Variants in UNKL observed in about 807,000 individuals in gnomAD.
The protein encoded by UNKL is putative E3 ubiquitin-protein ligase UNKL.
In UNKL, 60 loss-of-function variants were observed where a neutral mutation model predicts 78.0. That is an observed-to-expected ratio of 0.77 (90% CI 0.63 to 0.95). The LOEUF is 0.95. Among genes scored for constraint, UNKL ranks in the 40% least tolerant of loss-of-function variants. The pLI, the probability that UNKL is intolerant of heterozygous loss-of-function variation, is 0.00. For synonymous variants in UNKL, 608 were observed against 474.8 expected (o/e 1.28, Z -3.65); for missense variants, 1,159 against 1,045.7 (o/e 1.11, Z -1.49).
At chr16:1,369,880 C>T in intron 12 of UNKL, 4 of 1,456,388 alleles carry the variant, frequency 2.7e-6, no homozygotes, top group Non-Finnish European at 1.9e-6. Context: ...GTGGCTGAGG[C>T]AGGAGAATTG....
At chr16:1,402,376 C>A (rs1439233452) in intron 3 of UNKL, among the ~76,000 whole-genome samples, 1 of 152,230 alleles carries the variant, frequency 6.6e-6, no homozygotes, top group Non-Finnish European at 1.5e-5. Flanking sequence ...GAAATAACAT[C>A]CAGAGGCCAG....
At position 1,403,785 on chromosome 16, in the gene UNKL, C is replaced by T. The variant is rs566502105; in HGVS notation, c.288-441G>A. Among the ~76,000 whole-genome samples, 33 of 152,320 alleles carry T rather than the reference C, an allele frequency of 2.2e-4. No individual in the cohort carries two copies. Among genetic ancestry groups the T allele is most frequent in the African/African-American group, 7.7e-4 (32 of 41,568 alleles). On this transcript the variant is annotated intron_variant, in intron 2 of 14. Transcript: ENST00000389221. The surrounding 1 kb of genome is among the most constrained non-coding windows in gnomAD (Gnocchi z 4.8). Reference sequence around the variant, plus strand: ...GGGGCCCCTCCTGCCCAGCGTCCTGCTGCTTTCAGGGACCCCAGGAGGGAG... The same window carrying T: ...GGGGCCCCTCCTGCCCAGCGTCCTGTTGCTTTCAGGGACCCCAGGAGGGAG...
chr16:1,404,066 C>T (rs1035251568), intron 2 of UNKL, among the ~76,000 whole-genome samples: 3 of 152,142 alleles, frequency 2.0e-5, no homozygotes, highest in Non-Finnish European at 2.9e-5. Flanking sequence ...GACAAGGAGA[C>T]GACACAAACC....
chr16:1,399,167 G>C lies in UNKL; in HGVS notation c.734+207C>G, dbSNP rs569023162. The C allele has an allele frequency of 2.7e-6, 3 of 1,110,410 alleles. No homozygotes were observed. Among genetic ancestry groups the C allele is most frequent in the Admixed American group, 6.1e-5 (2 of 33,026 alleles). 68.8% of individuals were successfully genotyped at this position (1,110,410 alleles called of 1,614,324 possible). On this transcript the variant is annotated intron_variant, in intron 5 of 14. Transcript: ENST00000389221. The surrounding 1 kb of genome is among the most constrained non-coding windows in gnomAD (Gnocchi z 5.8). ...GACTGCATGGGAGACACTGAGCGTA[G>C]GTGGGGAGGCCCATCCCCAGGACAG...
In UNKL at chr16:1,367,172, C is replaced by T. The variant is rs1234207439; in HGVS notation, c.1966G>A (p.Gly656Arg). Residue 656 changes from glycine (G) to arginine (R), a missense_variant, in exon 14 of 15, where the codon GGG becomes AGG. Coordinates refer to ENST00000389221, the MANE Select transcript of UNKL (RefSeq NM_001372107.1). ...GGCAGGGGAATGGTGCCGATGTCCCCACAGCCCCGCAGCCCCGGCAGTGTG... is the reference window on the plus strand; with the variant it reads ...GGCAGGGGAATGGTGCCGATGTCCCTACAGCCCCGCAGCCCCGGCAGTGTG... ...ASTLPGLRGCGDIGTIPLPKL... is the reference protein window; with the variant it reads ...ASTLPGLRGCRDIGTIPLPKL... 6.2e-7 allele frequency: 1 copy of T among 1,605,792 alleles called. No homozygotes were observed. Among genetic ancestry groups the T allele is most frequent in the Non-Finnish European group, 8.5e-7 (1 of 1,178,128 alleles).
At position 1,377,031 on chromosome 16, in the gene UNKL, C is replaced by G. The variant is rs556147675; in HGVS notation, c.1265-5420G>C. ...TGCATCTTCCCCCGCCACACCCAGC[C>G]CCCCCAACCGAGATAGAGTCTTGCT... On this transcript the variant is annotated intron_variant, in intron 10 of 14. Transcript: ENST00000389221. Among the ~76,000 whole-genome samples the G allele has an allele frequency of 2.4e-4, 37 of 152,066 alleles. 1 individual carries two copies. The highest frequency in any genetic ancestry group is 3.5e-4 in the Non-Finnish European group (24 of 67,978).
intron 9 of UNKL, among the ~76,000 whole-genome samples, chr16:1,388,793 T>C (rs1055585948): frequency 5.3e-5 from 8 of 151,976 alleles, no homozygotes; most frequent in African/African-American, 1.9e-4. Context: ...GTTCACACCA[T>C]GAGGACACCG....
intron 10 of UNKL, chr16:1,378,906 C>G (rs2036439469): frequency 6.6e-6 from 1 of 152,504 alleles, no homozygotes; most frequent in South Asian, 2.1e-4. Context: ...GCTTCTCCCC[C>G]ACCTCACCTC....
In UNKL at chr16:1,401,553, C is replaced by CGGCCGTGGAGT. The variant is rs1567233096; in HGVS notation, c.598+4_598+14dup. 1 of 1,530,792 alleles carries CGGCCGTGGAGT rather than the reference C, an allele frequency of 6.5e-7. No individual in the cohort carries two copies. Among genetic ancestry groups the CGGCCGTGGAGT allele is most frequent in the Admixed American group, 1.9e-5 (1 of 53,154 alleles). The allele number at this position is 1,530,792 out of a possible 1,614,324, so 94.8% of individuals were successfully genotyped here. A position where few individuals can be genotyped will look rare whatever the true frequency, so the allele number is the denominator to read the frequency against. ...CCCCCCCCACCACCGCCCTCAGCTG[C>CGGCCGTGGAGT]GGCCGTGGAGTTACCTTGCCACCGG... On this transcript the variant is annotated intron_variant, in intron 4 of 14. Coordinates refer to ENST00000389221, the MANE Select transcript of UNKL (RefSeq NM_001372107.1).
chr16:1,390,556 G>C, intron 9 of UNKL, 76 bp downstream of exon 9: 1 of 1,477,128 alleles, frequency 6.8e-7, no homozygotes, highest in Non-Finnish European at 9.1e-7. Flanking sequence ...GATGCCACGG[G>C]TCAGGCACGA....
At chr16:1,379,298 G>T in intron 10 of UNKL, 1 of 208,642 alleles carries the variant, frequency 4.8e-6, no homozygotes, top group Non-Finnish European at 8.3e-6. Context: ...CCGTTCCCCT[G>T]CCCTCTCCTG....
intron 10 of UNKL, among the ~76,000 whole-genome samples, chr16:1,375,118 C>A (rs2036118030): frequency 6.6e-6 from 1 of 152,192 alleles, no homozygotes; most frequent in South Asian, 2.1e-4. Flanking sequence ...GCTCGGCGGT[C>A]ACACCCCCCG....
At chr16:1,413,045 C>T (rs2038111607) in intron 2 of UNKL, among the ~76,000 whole-genome samples, 1 of 151,878 alleles carries the variant, frequency 6.6e-6, no homozygotes, top group South Asian at 2.1e-4. Flanking sequence ...CCCAGAAGTT[C>T]AAGACCAGCC....
rs781274698 is a variant in UNKL at position 1,392,915 on chromosome 16, G to C, written c.999C>G (p.Ser333=). The part of the protein sequence containing the change: ...CHDLHLTSPS[S]TGSGQPGNAK... ...CATTTCCCGGCTGGCCGCTGCCCGT[G>C]GAGGAAGGACTCGTGAGGTGGAGGT... is the stretch of plus-strand genomic sequence containing the variant. The change falls in exon 8 of 15, where the codon TCC becomes TCG. Residue 333 remains serine, a synonymous_variant. Transcript: ENST00000389221. 6.4e-7 allele frequency: 1 copy of C among 1,550,590 alleles called. No homozygotes were observed. The highest frequency in any genetic ancestry group is 1.2e-5 in the South Asian group (1 of 84,068).
intron 5 of UNKL, among the ~76,000 whole-genome samples, chr16:1,398,106 C>G (rs2037357412): frequency 6.6e-6 from 1 of 152,204 alleles, no homozygotes; most frequent in Non-Finnish European, 1.5e-5. Context: ...GGCCGGGCGC[C>G]CAGACAGCAC....
At chr16:1,390,734 A>T in intron 8 of UNKL, 40 bp from the exon 9 acceptor site, 7 of 1,533,668 alleles carry the variant, frequency 4.6e-6, no homozygotes, top group Non-Finnish European at 6.1e-6. Flanking sequence ...AAAAGCAGGG[A>T]GGAAATGTAA....
chr16:1,383,755 C>T (rs760565411), intron 10 of UNKL: 74 of 423,388 alleles, frequency 1.7e-4, no homozygotes, highest in Non-Finnish European at 3.5e-4. Context: ...CACATTGACG[C>T]GGGTCCTGAT....
At chr16:1,413,226 A>G (rs577609637) in intron 2 of UNKL, among the ~76,000 whole-genome samples, 4 of 129,874 alleles carry the variant, frequency 3.1e-5, no homozygotes, top group Non-Finnish European at 6.2e-5. Context: ...CCCCAGCGAC[A>G]GAGCAAGACC....
chr16:1,401,969 C>T (rs568493220), intron 3 of UNKL, among the ~76,000 whole-genome samples: 1 of 152,348 alleles, frequency 6.6e-6, no homozygotes, highest in African/African-American at 2.4e-5. Context: ...GCAATCACAG[C>T]TCATTGCAGT....
Sources: allele counts gnomAD v4.1 joint callset (sites outside exome capture counted in the v4.1 genomes callset), GRCh38; gene constraint gnomAD v4.1.1; non-coding constraint Gnocchi (gnomAD v3.1); transcripts MANE v1.5; gene names NCBI Gene and HGNC (gene_info 2026-07-23, HGNC 2026-07-21).